The following ZPBP variants were observed in gnomAD, a reference collection of about 807,000 sequenced individuals.
ZPBP encodes zona pellucida binding protein.
ZPBP carries 26 observed loss-of-function variants against 44.8 expected under a neutral mutation model. The observed-to-expected ratio is 0.58, with a 90% CI of 0.43 to 0.81. The LOEUF (loss-of-function observed/expected upper bound fraction) is 0.81. Among genes scored for constraint, ZPBP ranks in the 30% least tolerant of loss-of-function variants. The pLI is 0.00. For missense variants in ZPBP, 409 were observed against 434.0 expected (o/e 0.94, Z 0.51); for synonymous variants, 174 against 153.2 (o/e 1.14, Z -1.00).
intron 7 of ZPBP, among the ~76,000 whole-genome samples, chr7:49,979,480 T>C (rs1796677789): frequency 6.6e-6 from 1 of 151,934 alleles, no homozygotes. Context: ...ATTACCTTGA[T>C]CAAATAGTGT....
intron 1 of ZPBP, among the ~76,000 whole-genome samples, chr7:49,909,414 G>A (rs952483187): frequency 1.2e-4 from 19 of 152,218 alleles, no homozygotes; most frequent in African/African-American, 4.6e-4. Flanking sequence ...AATGGTCACT[G>A]TGGCACTGTT....
At position 49,978,083 on chromosome 7, in the gene ZPBP, T is replaced by G. The variant is rs1249739374; in HGVS notation, c.961+5259A>C. 8.0e-4 allele frequency among the ~76,000 whole-genome samples: 31 copies of G among 38,666 alleles called. 1 individual carries two copies. Among genetic ancestry groups the G allele is most frequent in the African/African-American group, 4.5e-3 (26 of 5,828 alleles). The allele number at this position is 38,666 out of a possible 152,430, so 25.4% of individuals were successfully genotyped here. A position where few individuals can be genotyped will look rare whatever the true frequency, so the allele number is the denominator to read the frequency against. ...AGTTTGTTTGTTTTTGGTTTTTTGT[T>G]TTTTTTTTTTTGAAAAACTAGCAGA... On this transcript the variant is annotated intron_variant, in intron 7 of 7. Coordinates refer to ENST00000046087, the MANE Select transcript of ZPBP (RefSeq NM_007009.3).
chr7:50,071,375 C>T (rs1801824736), intron 3 of ZPBP, among the ~76,000 whole-genome samples: 1 of 152,150 alleles, frequency 6.6e-6, no homozygotes, highest in Non-Finnish European at 1.5e-5. Context: ...GCCTGCAAAC[C>T]TTGCCACCAA....
chr7:50,054,908 C>CA (rs1466069572), intron 4 of ZPBP, among the ~76,000 whole-genome samples: 1 of 151,892 alleles, frequency 6.6e-6, no homozygotes, highest in Non-Finnish European at 1.5e-5. Context: ...AATAACCCAC[C>CA]AAAGTCCAAA....
At chr7:49,857,384 A>ATTTT (rs1790469593) in intron 2 of ZPBP, among the ~76,000 whole-genome samples, 1 of 152,184 alleles carries the variant, frequency 6.6e-6, no homozygotes, top group Non-Finnish European at 1.5e-5. Context: ...TTAAGCCTGA[A>ATTTT]TATTCCAATG....
chr7:49,947,663 G>A (rs1258684413), intron 7 of ZPBP, among the ~76,000 whole-genome samples: 1 of 152,246 alleles, frequency 6.6e-6, no homozygotes, highest in African/African-American at 2.4e-5. Flanking sequence ...CAGACCTGAA[G>A]CCAGCATAGC....
intron 4 of ZPBP, among the ~76,000 whole-genome samples, chr7:50,039,269 G>A (rs1722534213): frequency 6.6e-6 from 1 of 152,112 alleles, no homozygotes; most frequent in Non-Finnish European, 1.5e-5. Flanking sequence ...TGCAAGAGCT[G>A]AAAAGTAAAA....
At chr7:50,018,440 C>A (rs773083762) in intron 5 of ZPBP, 124 bp from the exon 6 acceptor site, 28 of 831,706 alleles carry the variant, frequency 3.4e-5, no homozygotes, top group Non-Finnish European at 5.0e-5. Flanking sequence ...AGCAATTTTC[C>A]TAGTGCTAAA....
At chr7:49,888,737 C>A (rs1792005012) in intron 2 of ZPBP, among the ~76,000 whole-genome samples, 1 of 152,054 alleles carries the variant, frequency 6.6e-6, no homozygotes, top group Non-Finnish European at 1.5e-5. Flanking sequence ...ATGGTAAAAC[C>A]CCGTTTCTAC....
At chr7:50,088,836 A>C (rs924835858) in intron 2 of ZPBP, among the ~76,000 whole-genome samples, 6 of 152,090 alleles carry the variant, frequency 3.9e-5, no homozygotes, top group African/African-American at 1.4e-4. Flanking sequence ...CTCTTTAAAA[A>C]ATAGTTTGGC....
At chr7:49,986,030 G>A (rs1017900076) in intron 6 of ZPBP, among the ~76,000 whole-genome samples, 1 of 152,122 alleles carries the variant, frequency 6.6e-6, no homozygotes, top group Non-Finnish European at 1.5e-5. Flanking sequence ...CTTTCAATGT[G>A]TCCATGCACC....
intron 2 of ZPBP, among the ~76,000 whole-genome samples, chr7:49,870,643 A>G (rs1791110568): frequency 6.6e-6 from 1 of 152,212 alleles, no homozygotes; most frequent in Admixed American, 6.5e-5. Flanking sequence ...TCACATGTGC[A>G]TCAGGAAGGC....
In ZPBP at chr7:50,031,326, A is replaced by G. The variant is rs1471472590; in HGVS notation, c.488-16T>C. The G allele has an allele frequency of 6.3e-7, 1 of 1,584,554 alleles. No individual in the cohort carries two copies. On this transcript the variant is annotated splice_polypyrimidine_tract_variant and intron_variant, in intron 4 of 7. Coordinates refer to ENST00000046087, the MANE Select transcript of ZPBP (RefSeq NM_007009.3). ...TCACGATAAGCTGTAAAAAATTAAC[A>G]AGAGAAAGACACAAAAATGGTTATT...
At chr7:49,936,923 T>A (rs187725735), downstream of ZPBP, among the ~76,000 whole-genome samples, 3 of 152,280 alleles carry the variant, frequency 2.0e-5, no homozygotes, top group East Asian at 5.8e-4. Context: ...GCACATACAA[T>A]AATTACTCCA....
At chr7:49,976,400 A>G (rs1050854681) in intron 7 of ZPBP, among the ~76,000 whole-genome samples, 3 of 152,072 alleles carry the variant, frequency 2.0e-5, no homozygotes, top group African/African-American at 4.8e-5. Flanking sequence ...TCCATCATGT[A>G]TGATGATATT....
chr7:49,867,994 T>C (rs1183004584), intron 2 of ZPBP, among the ~76,000 whole-genome samples: 1 of 152,048 alleles, frequency 6.6e-6, no homozygotes, highest in Non-Finnish European at 1.5e-5. Flanking sequence ...CCACTATACC[T>C]GACTAATTTT....
chr7:49,859,150 G>A (rs528057472), intron 2 of ZPBP, among the ~76,000 whole-genome samples: 17 of 152,260 alleles, frequency 1.1e-4, no homozygotes, highest in Middle Eastern at 3.4e-3. Context: ...TGTCTTCAAC[G>A]TTACTCAGCA....
chr7:49,948,487 T>C lies in ZPBP; in HGVS notation c.962-10865A>G, dbSNP rs748317008. 1.2e-3 allele frequency among the ~76,000 whole-genome samples: 177 copies of C among 152,050 alleles called. 3 individuals carry two copies. The highest frequency in any genetic ancestry group is 2.5e-4 in the Non-Finnish European group (17 of 68,014). ...TGCAAATCACATGTCTGATAAGTGG[T>C]TAACATTTTTTTTTTGAATTTTAAA... is the stretch of plus-strand genomic sequence containing the variant. On this transcript the variant is annotated intron_variant, in intron 7 of 7. Transcript: ENST00000046087.
At chr7:49,991,384 T>C (rs188574250) in intron 6 of ZPBP, among the ~76,000 whole-genome samples, 3 of 152,232 alleles carry the variant, frequency 2.0e-5, no homozygotes, top group East Asian at 3.9e-4. Flanking sequence ...ATATATGAGA[T>C]TGAGCTAAAT....
Sources: gnomAD v4.1 joint callset for allele counts (sites outside exome capture counted in the v4.1 genomes callset) on GRCh38, gnomAD v4.1.1 for gene constraint, MANE v1.5 for transcripts, NCBI Gene and HGNC (gene_info 2026-07-23, HGNC 2026-07-21) for gene names.